SDK2: variants seen among roughly 807,000 people sequenced by gnomAD.
SDK2 encodes the protein protein sidekick-2.
SDK2 carries 105 observed loss-of-function variants against 253.9 expected under a neutral mutation model. That is an observed-to-expected ratio of 0.41 (90% CI 0.35 to 0.49). SDK2 has a LOEUF of 0.49. Among genes scored for constraint, SDK2 ranks in the 20% least tolerant of loss-of-function variants. SDK2 has a pLI of 0.06. For synonymous variants in SDK2, 1,249 were observed against 1,234.9 expected (o/e 1.01, Z -0.24); for missense variants, 2,608 against 3,003.0 (o/e 0.87, Z 3.07).
At chr17:73,446,427 C>T (rs925933964) in intron 5 of SDK2, among the ~76,000 whole-genome samples, 1 of 152,180 alleles carries the variant, frequency 6.6e-6, no homozygotes, top group Non-Finnish European at 1.5e-5. Flanking sequence ...AAACTCTCCT[C>T]CCCGCATTCA....
chr17:73,363,307 G>C lies in SDK2; in HGVS notation c.5306-1462C>G, dbSNP rs139953110. ...GCTGGTCTCGAACTCCTGAACTCAG[G>C]TGATCCACCGCCTCGGCCTCCCGAA... On this transcript the variant is annotated intron_variant, in intron 38 of 44. Coordinates refer to ENST00000392650, the MANE Select transcript of SDK2 (RefSeq NM_001144952.2). 7.2e-3 allele frequency among the ~76,000 whole-genome samples: 1,102 copies of C among 152,300 alleles called. 14 individuals are homozygous for C. The highest frequency in any genetic ancestry group is 0.025 in the African/African-American group (1,053 of 41,564).
Position 73,383,732 on chromosome 17 carries a change from A to T in SDK2, c.4705+144T>A. 1 of 911,080 alleles carries T rather than the reference A, an allele frequency of 1.1e-6. No individual in the cohort carries two copies. Among genetic ancestry groups the T allele is most frequent in the Non-Finnish European group, 1.7e-6 (1 of 593,352 alleles). The allele number at this position is 911,080 out of a possible 1,614,324, so 56.4% of individuals were successfully genotyped here. A position where few individuals can be genotyped will look rare whatever the true frequency, so the allele number is the denominator to read the frequency against. On this transcript the variant is annotated intron_variant, in intron 33 of 44. Coordinates refer to ENST00000392650, the MANE Select transcript of SDK2 (RefSeq NM_001144952.2). This position sits in a 1 kb window ranked among gnomAD's most constrained non-coding sequence, Gnocchi z 4.3. ...AATATTCAGTAAATGAATGAATGGG[A>T]TGGGAGGAGGGAGAGGCACACATGG...
rs12939247 is a variant in SDK2 at position 73,412,086 on chromosome 17, A to G, written c.2484+2558T>C. ...TATATATACGTATATATGTATATGT[A>G]TATATACGTATATATGTATACGTAT... On this transcript the variant is annotated intron_variant, in intron 18 of 44. Coordinates refer to ENST00000392650, the MANE Select transcript of SDK2 (RefSeq NM_001144952.2). Among the ~76,000 whole-genome samples the G allele has an allele frequency of 6.6e-3, 584 of 88,488 alleles. 10 individuals are homozygous for G. Among genetic ancestry groups the G allele is most frequent in the African/African-American group, 0.029 (544 of 18,524 alleles). 58.1% of individuals were successfully genotyped at this position (88,488 alleles called of 152,430 possible).
rs923187933 is a variant in SDK2, at chr17:73,612,711, C to A, written c.64+31314G>T. 1.3e-5 allele frequency among the ~76,000 whole-genome samples: 2 copies of A among 152,096 alleles called. No homozygotes were observed. Among genetic ancestry groups the A allele is most frequent in the Non-Finnish European group, 2.9e-5 (2 of 68,014 alleles). ...AGGCGGGCAGATCACAAGGTCAAGACTTTGAGACAAGCCTGACCAACATGG... is the reference window on the plus strand; with the variant it reads ...AGGCGGGCAGATCACAAGGTCAAGAATTTGAGACAAGCCTGACCAACATGG... On this transcript the variant is annotated intron_variant, in intron 1 of 44. Coordinates refer to ENST00000392650, the MANE Select transcript of SDK2 (RefSeq NM_001144952.2). This position sits in a 1 kb window ranked among gnomAD's most constrained non-coding sequence, Gnocchi z 4.4.
intron 4 of SDK2, among the ~76,000 whole-genome samples, chr17:73,452,017 C>T (rs1045768410): frequency 6.6e-6 from 1 of 152,090 alleles, no homozygotes; most frequent in Non-Finnish European, 1.5e-5. Context: ...ATTGGCCCAG[C>T]CCTGCCCTCC....
chr17:73,369,944 A>G (rs1480139144), intron 36 of SDK2, among the ~76,000 whole-genome samples: 2 of 152,024 alleles, frequency 1.3e-5, no homozygotes, highest in Non-Finnish European at 2.9e-5. Flanking sequence ...AAGCCCAGCC[A>G]TTGTTTTCAA....
chr17:73,419,303 G>C lies in SDK2; in HGVS notation c.2049C>G (p.Val683=). 6.2e-7 allele frequency: 1 copy of C among 1,611,538 alleles called. No homozygotes were observed. Among genetic ancestry groups the C allele is most frequent in the Non-Finnish European group, 8.5e-7 (1 of 1,179,554 alleles). ...KGQFSKDTER[V]SLPEEPPTAP... ...CCGTGGGGGGCTCCTCGGGGAGGGA[G>C]ACCCTGGATCACAAAACACCAATGC... Residue 683 remains valine (V), a synonymous_variant, in exon 16 of 45, where the codon GTC becomes GTG. Transcript: ENST00000392650.
chr17:73,619,323 G>A (rs976007959), intron 1 of SDK2, among the ~76,000 whole-genome samples: 1 of 152,154 alleles, frequency 6.6e-6, no homozygotes, highest in Non-Finnish European at 1.5e-5. Context: ...AGTCAGCACA[G>A]CACAGACAGC....
chr17:73,641,760 C>G (rs1010818760), intron 1 of SDK2, among the ~76,000 whole-genome samples: 38 of 152,206 alleles, frequency 2.5e-4, no homozygotes, highest in Admixed American at 5.9e-4. Flanking sequence ...CAGCTACCCC[C>G]CAAAGGATTA....
At position 73,479,082 on chromosome 17, in the gene SDK2, CAT is replaced by C. The variant is rs367570961; in HGVS notation, c.225-6866_225-6865del. ...CTGTGCACATACATTTGTGCACACA[CAT>C]GTTTGGATGAGGCCTCCTCTCCTCA... On this transcript the variant is annotated intron_variant, in intron 2 of 44. Coordinates refer to ENST00000392650, the MANE Select transcript of SDK2 (RefSeq NM_001144952.2). Among the ~76,000 whole-genome samples, 104 of 152,380 alleles carry C rather than the reference CAT, an allele frequency of 6.8e-4. 1 individual carries two copies. In the East Asian group the frequency reaches 0.014, roughly 20 times the overall value.
At chr17:73,592,428 T>G (rs1278560849) in intron 1 of SDK2, among the ~76,000 whole-genome samples, 1 of 151,878 alleles carries the variant, frequency 6.6e-6, no homozygotes, top group Non-Finnish European at 1.5e-5. Context: ...AAAGAGGGAG[T>G]GTGGGAGGGA....
At chr17:73,391,867 T>G (rs2062931098) in intron 27 of SDK2, among the ~76,000 whole-genome samples, 1 of 152,224 alleles carries the variant, frequency 6.6e-6, no homozygotes, top group South Asian at 2.1e-4. Context: ...GCGTCAGTGC[T>G]TCAGAAGGTC....
rs147343958 is a variant in SDK2 at position 73,393,683 on chromosome 17, G to A, written c.3775C>T (p.Arg1259Cys). The change falls in exon 27 of 45, where the codon CGC becomes TGC. Residue 1259 changes from arginine to cysteine, a missense_variant. Transcript: ENST00000392650. The stretch of plus-strand genomic sequence containing the variant: ...CCCAAGCCGGTGAGCTGGGCACTGC[G>A]AGACGAGTTGCCTTCCACCAGCCAG... ...RFWLVEGNSS[R>C]SAQLTGLGKY... 120 of 1,596,748 alleles carry A rather than the reference G, an allele frequency of 7.5e-5. No individual in the cohort carries two copies. Among genetic ancestry groups the A allele is most frequent in the Non-Finnish European group, 9.8e-5 (114 of 1,166,918 alleles).
At chr17:73,601,499 G>T (rs2045839671) in intron 1 of SDK2, among the ~76,000 whole-genome samples, 1 of 152,150 alleles carries the variant, frequency 6.6e-6, no homozygotes, top group East Asian at 1.9e-4. Context: ...CTGTGAAGAG[G>T]GAAATTTAGA....
Position 73,455,473 on chromosome 17 carries a change from C to T in SDK2, c.479+433G>A, listed in dbSNP as rs945520547. 6.6e-5 allele frequency among the ~76,000 whole-genome samples: 10 copies of T among 152,178 alleles called. No individual in the cohort carries two copies. Among genetic ancestry groups the T allele is most frequent in the Admixed American group, 4.6e-4 (7 of 15,288 alleles). On this transcript the variant is annotated intron_variant, in intron 4 of 44. Coordinates refer to ENST00000392650, the MANE Select transcript of SDK2 (RefSeq NM_001144952.2). The surrounding 1 kb of genome is among the most constrained non-coding windows in gnomAD (Gnocchi z 5.0). ...AGCCAAGACACACACAGCCCTCACA[C>T]ACCAGTAAACACCCTGCCAACGGAC...
intron 36 of SDK2, 142 bp from the exon 37 acceptor site, chr17:73,368,735 T>A: frequency 1.4e-6 from 1 of 710,430 alleles, no homozygotes; most frequent in Non-Finnish European, 2.2e-6. Context: ...AGAGGCCGGG[T>A]GCGGTGGCTC....
chr17:73,506,897 C>G (rs1257376645), intron 2 of SDK2, among the ~76,000 whole-genome samples: 1 of 152,248 alleles, frequency 6.6e-6, no homozygotes, highest in Non-Finnish European at 1.5e-5. Flanking sequence ...GCCAGTCAGG[C>G]CCAAGAGCTC....
At chr17:73,398,253 T>G in intron 23 of SDK2, 67 bp downstream of exon 23, 1 of 1,602,202 alleles carries the variant, frequency 6.2e-7, no homozygotes, top group Non-Finnish European at 8.5e-7. Flanking sequence ...TGTCCTGGTC[T>G]GGGCCATAGC....
chr17:73,482,420 G>A (rs1175426966), intron 2 of SDK2, among the ~76,000 whole-genome samples: 1 of 152,220 alleles, frequency 6.6e-6, no homozygotes, highest in South Asian at 2.1e-4. Context: ...TGGGCGGTTT[G>A]CTTCATAAGG....
Sources: allele counts gnomAD v4.1 joint callset (sites outside exome capture counted in the v4.1 genomes callset), GRCh38; gene constraint gnomAD v4.1.1; non-coding constraint Gnocchi (gnomAD v3.1); transcripts MANE v1.5; gene names NCBI Gene and HGNC (gene_info 2026-07-23, HGNC 2026-07-21).